UST: variants seen among roughly 807,000 people sequenced by gnomAD.
UST encodes uronyl 2-sulfotransferase.
UST carries 21 observed loss-of-function variants against 45.6 expected under a neutral mutation model. The ratio of observed to expected loss-of-function variants is 0.46; its 90% CI spans 0.33 to 0.66. UST has a LOEUF of 0.66. Among genes scored for constraint, UST ranks in the 30% least tolerant of loss-of-function variants. The probability of loss-of-function intolerance (pLI) is 0.02; values close to 1 mark genes in which losing one functional copy is unlikely to be tolerated. For missense variants in UST, 463 were observed against 512.4 expected (o/e 0.90, Z 0.93); for synonymous variants, 215 against 200.6 (o/e 1.07, Z -0.61).
At chr6:148,820,968 C>CTTTTT (rs71007920) in intron 1 of UST, among the ~76,000 whole-genome samples, 3 of 91,190 alleles carry the variant, frequency 3.3e-5, no homozygotes, top group Non-Finnish European at 6.1e-5. Context: ...TTTTTAATTC[C>CTTTTT]TTTTTTTTTT....
chr6:148,896,879 C>T (rs1286968469), intron 2 of UST, among the ~76,000 whole-genome samples: 1 of 152,126 alleles, frequency 6.6e-6, no homozygotes, highest in Non-Finnish European at 1.5e-5. Flanking sequence ...CCTAGGTACT[C>T]TAAATGAGTA....
rs1055570909 is a variant in UST at position 148,866,870 on chromosome 6, A to G, written c.248-20116A>G. On this transcript the variant is annotated intron_variant, in intron 1 of 7. Coordinates refer to ENST00000367463, the MANE Select transcript of UST (RefSeq NM_005715.3). ...TGTTACATGTACCTTCCTTTGATTT[A>G]TCTTTTTACGACCTCCACAAGGCAT... 3.2e-4 allele frequency among the ~76,000 whole-genome samples: 46 copies of G among 142,368 alleles called. 1 individual carries two copies. The allele number at this position is 142,368 out of a possible 152,430, so 93.4% of individuals were successfully genotyped here. A position where few individuals can be genotyped will look rare whatever the true frequency, so the allele number is the denominator to read the frequency against.
chr6:148,861,706 C>G (rs1200838523), intron 1 of UST, among the ~76,000 whole-genome samples: 1 of 152,174 alleles, frequency 6.6e-6, no homozygotes, highest in Non-Finnish European at 1.5e-5. Flanking sequence ...TGTCTTTGCT[C>G]TCATTGGTTT....
At chr6:149,037,228 A>G (rs1270117901) in intron 7 of UST, among the ~76,000 whole-genome samples, 1 of 152,182 alleles carries the variant, frequency 6.6e-6, no homozygotes, top group Non-Finnish European at 1.5e-5. Context: ...CAAATGTTTC[A>G]TGACGAATGC....
intron 7 of UST, among the ~76,000 whole-genome samples, chr6:149,028,678 A>G (rs1367456388): frequency 6.6e-6 from 1 of 152,228 alleles, no homozygotes. Flanking sequence ...TTAAGTGGAA[A>G]TATTACTACA....
chr6:148,905,023 A>C (rs558866687), intron 2 of UST, among the ~76,000 whole-genome samples: 21 of 152,336 alleles, frequency 1.4e-4, no homozygotes, highest in Non-Finnish European at 1.8e-4. Flanking sequence ...TCATCCTGGC[A>C]AAGCCAAGTA....
chr6:149,037,457 G>T (rs1267355641), intron 7 of UST, among the ~76,000 whole-genome samples: 1 of 152,164 alleles, frequency 6.6e-6, no homozygotes, highest in Non-Finnish European at 1.5e-5. Context: ...AAGAAAACAC[G>T]GAGGCCCAGG....
intron 7 of UST, among the ~76,000 whole-genome samples, chr6:149,021,927 C>T (rs1462382354): frequency 6.6e-6 from 1 of 152,114 alleles, no homozygotes; most frequent in Non-Finnish European, 1.5e-5. Flanking sequence ...TCTCTCTGGC[C>T]CAACTTCCAT....
chr6:149,076,913 T>G lies in UST; in HGVS notation c.*2797T>G, dbSNP rs1191781125. The G allele has an allele frequency of 6.6e-6, 1 of 152,474 alleles. No individual in the cohort carries two copies. Among genetic ancestry groups the G allele is most frequent in the Non-Finnish European group, 1.5e-5 (1 of 68,022 alleles). 9.4% of individuals were successfully genotyped at this position (152,474 alleles called of 1,614,324 possible). A position where few individuals can be genotyped will look rare whatever the true frequency, so the allele number is the denominator to read the frequency against. The stretch of plus-strand genomic sequence containing the variant: ...TTAAGAAGAAAGAAAAAAATGGTGT[T>G]TGACGTTGATGGAAATTCAAAAATA... On this transcript the variant is annotated 3_prime_UTR_variant, in exon 8 of 8. Transcript: ENST00000367463.
chr6:148,940,491 T>TA (rs1780104697), intron 2 of UST, among the ~76,000 whole-genome samples: 1 of 151,942 alleles, frequency 6.6e-6, no homozygotes, highest in Non-Finnish European at 1.5e-5. Flanking sequence ...AGACCCTGTC[T>TA]AAAAAAATAA....
intron 1 of UST, among the ~76,000 whole-genome samples, chr6:148,749,163 A>G (rs1351668661): frequency 6.6e-6 from 1 of 152,244 alleles, no homozygotes; most frequent in Non-Finnish European, 1.5e-5. Context: ...ATTTGGTTTC[A>G]TAGAGGATTT....
At chr6:148,796,619 G>A (rs1296743427) in intron 1 of UST, among the ~76,000 whole-genome samples, 1 of 50,310 alleles carries the variant, frequency 2.0e-5, no homozygotes, top group African/African-American at 1.0e-4. Flanking sequence ...GCAAGACTCT[G>A]TCTCAAAAAA....
At chr6:148,879,750 C>A (rs1054108890) in intron 1 of UST, among the ~76,000 whole-genome samples, 1 of 152,092 alleles carries the variant, frequency 6.6e-6, no homozygotes, top group Non-Finnish European at 1.5e-5. Context: ...TTTCATAGAA[C>A]AAAATTATTC....
intron 2 of UST, among the ~76,000 whole-genome samples, chr6:148,918,124 G>C (rs1406852465): frequency 6.6e-6 from 1 of 152,120 alleles, no homozygotes; most frequent in African/African-American, 2.4e-5. Flanking sequence ...CTTAGTATTT[G>C]CTGCAAAACC....
At chr6:149,043,762 G>A (rs1314286720) in intron 7 of UST, among the ~76,000 whole-genome samples, 1 of 152,262 alleles carries the variant, frequency 6.6e-6, no homozygotes, top group Admixed American at 6.5e-5. Context: ...TTGTTTATGC[G>A]GGTTGACTTC....
chr6:148,930,151 G>T (rs561424672), intron 2 of UST, among the ~76,000 whole-genome samples: 2 of 152,074 alleles, frequency 1.3e-5, no homozygotes, highest in Non-Finnish European at 2.9e-5. Context: ...CACCCCTTCC[G>T]TTCTCATACC....
intron 1 of UST, among the ~76,000 whole-genome samples, chr6:148,801,961 T>C (rs1306101719): frequency 6.6e-6 from 1 of 152,216 alleles, no homozygotes; most frequent in East Asian, 1.9e-4. Flanking sequence ...TGAGTGATTC[T>C]GTCACTCTTA....
intron 7 of UST, among the ~76,000 whole-genome samples, chr6:149,029,293 C>A (rs1399744413): frequency 1.4e-5 from 2 of 147,358 alleles, no homozygotes; most frequent in Non-Finnish European, 3.0e-5. Context: ...ACATGTATAT[C>A]TAAATTATAT....
chr6:148,816,080 TGG>T (rs1326197785), intron 1 of UST, among the ~76,000 whole-genome samples: 1 of 152,244 alleles, frequency 6.6e-6, no homozygotes, highest in Non-Finnish European at 1.5e-5. Flanking sequence ...ACGGGATTGT[TGG>T]GTGCCTCAGG....
Sources: gnomAD v4.1 joint callset for allele counts (sites outside exome capture counted in the v4.1 genomes callset) on GRCh38, gnomAD v4.1.1 for gene constraint, MANE v1.5 for transcripts, NCBI Gene and HGNC (gene_info 2026-07-23, HGNC 2026-07-21) for gene names.